The following SERGEF variants were observed in gnomAD, a reference collection of about 807,000 sequenced individuals.
SERGEF encodes secretion regulating guanine nucleotide exchange factor, also known as secretion-regulating guanine nucleotide exchange factor.
SERGEF carries 51 observed loss-of-function variants against 50.0 expected under a neutral mutation model. That is an observed-to-expected ratio of 1.02 (90% CI 0.81 to 1.29). The LOEUF (loss-of-function observed/expected upper bound fraction) is 1.29, where lower values mean the gene tolerates loss of function less well. SERGEF is among the 50% of genes most tolerant of loss of function. The pLI is 0.00. For synonymous variants in SERGEF, 205 were observed against 212.4 expected, an observed-to-expected ratio of 0.97 and a Z score of 0.30; for missense variants, 521 against 557.0, an observed-to-expected ratio of 0.94 and a Z score of 0.65.
At chr11:17,849,355 G>T (rs1457166487) in intron 10 of SERGEF, among the ~76,000 whole-genome samples, 1 of 152,152 alleles carries the variant, frequency 6.6e-6, no homozygotes, top group African/African-American at 2.4e-5. Flanking sequence ...CTATCAACAA[G>T]AGTCATACGT....
Position 17,896,454 on chromosome 11 carries a change from T to C in SERGEF, c.1012-18210A>G, listed in dbSNP as rs117281092. On this transcript the variant is annotated intron_variant, in intron 9 of 10. Coordinates refer to ENST00000265965, the MANE Select transcript of SERGEF (RefSeq NM_012139.4). Reference sequence around the variant, plus strand: ...CAAATTATGGTATAATTCCAGAGAGTACACTTAATGCTATGCTACAACGTA... The same window carrying C: ...CAAATTATGGTATAATTCCAGAGAGCACACTTAATGCTATGCTACAACGTA... Among the ~76,000 whole-genome samples the C allele has an allele frequency of 1.9e-4, 29 of 151,058 alleles. No homozygotes were observed. In the East Asian group the frequency reaches 4.1e-3, roughly 21 times the overall value.
At chr11:17,923,244 A>G (rs1329321924) in intron 9 of SERGEF, among the ~76,000 whole-genome samples, 1 of 152,120 alleles carries the variant, frequency 6.6e-6, no homozygotes, top group Non-Finnish European at 1.5e-5. Context: ...AGCCTACTGG[A>G]TCCTTAGTCC....
chr11:17,918,792 C>T, intron 9 of SERGEF: 1 of 429,236 alleles, frequency 2.3e-6, no homozygotes, highest in South Asian at 1.7e-5. Context: ...GGAAAAAAAG[C>T]AGAATATGGA....
chr11:17,796,312 G>T (rs536544141), intron 10 of SERGEF, among the ~76,000 whole-genome samples: 1 of 152,310 alleles, frequency 6.6e-6, no homozygotes, highest in Admixed American at 6.5e-5. Context: ...GAGGACACAG[G>T]CACTGTCAGT....
chr11:18,007,919 A>T, intron 2 of SERGEF, 22 bp downstream of exon 2: 1 of 1,600,840 alleles, frequency 6.2e-7, no homozygotes, highest in Non-Finnish European at 8.5e-7. Context: ...ATGAGTGACT[A>T]TCTACTTTTG....
In SERGEF at chr11:18,007,518, G is replaced by A. The variant is rs577673500; in HGVS notation, c.196+423C>T. On this transcript the variant is annotated intron_variant, in intron 2 of 10. Transcript: ENST00000265965. ...CCCCCTTTACAACATTGTAGCACTT[G>A]TACTACTTGTTAAGTGCTATCCTAG... Among the ~76,000 whole-genome samples the A allele has an allele frequency of 5.3e-5, 8 of 152,262 alleles. No individual in the cohort carries two copies. In the East Asian group the frequency reaches 9.6e-4, roughly 18 times the overall value.
At chr11:17,864,118 G>T (rs1382729434) in intron 10 of SERGEF, among the ~76,000 whole-genome samples, 1 of 152,156 alleles carries the variant, frequency 6.6e-6, no homozygotes, top group African/African-American at 2.4e-5. Context: ...TTTCCTCTTT[G>T]AGTTCACATT....
intron 10 of SERGEF, among the ~76,000 whole-genome samples, chr11:17,804,786 C>A (rs1849728298): frequency 2.6e-5 from 4 of 152,180 alleles, no homozygotes; most frequent in Admixed American, 2.6e-4. Context: ...GTCTATAGAA[C>A]TAAGTTAAGT....
At chr11:17,857,054 G>A (rs946620322) in intron 10 of SERGEF, among the ~76,000 whole-genome samples, 1 of 152,168 alleles carries the variant, frequency 6.6e-6, no homozygotes, top group African/African-American at 2.4e-5. Context: ...CAGTATGGGT[G>A]AGTAGCAGAA....
rs565281805 is a variant in SERGEF at position 17,888,014 on chromosome 11, G to A, written c.1012-9770C>T. Among the ~76,000 whole-genome samples, 6 of 152,270 alleles carry A rather than the reference G, an allele frequency of 3.9e-5. No individual in the cohort carries two copies. The highest frequency in any genetic ancestry group is 9.6e-5 in the African/African-American group (4 of 41,568). ...GAGCTCCGCCTCCTGTCAGATCAGC[G>A]GTGGCATTAGATTCTCATATGAGCA... On this transcript the variant is annotated intron_variant, in intron 9 of 10. Coordinates refer to ENST00000265965, the MANE Select transcript of SERGEF (RefSeq NM_012139.4). This position sits in a 1 kb window ranked among gnomAD's most constrained non-coding sequence, Gnocchi z 4.1.
At chr11:17,814,571 A>G (rs1454847530) in intron 10 of SERGEF, among the ~76,000 whole-genome samples, 1 of 152,176 alleles carries the variant, frequency 6.6e-6, no homozygotes, top group Non-Finnish European at 1.5e-5. Context: ...TACACATGGG[A>G]TGGGATGCTT....
intron 9 of SERGEF, among the ~76,000 whole-genome samples, chr11:17,918,235 C>T (rs1005372356): frequency 1.3e-4 from 20 of 152,272 alleles, no homozygotes; most frequent in African/African-American, 4.1e-4. Context: ...CAGAGACAGT[C>T]CCCAACTTAT....
chr11:17,998,634 C>G (rs1316949027), intron 5 of SERGEF, among the ~76,000 whole-genome samples: 1 of 150,114 alleles, frequency 6.7e-6, no homozygotes, highest in African/African-American at 2.5e-5. Context: ...ACCCTAATGC[C>G]CACTGTAACT....
chr11:17,951,626 C>A (rs1182691391), intron 9 of SERGEF, among the ~76,000 whole-genome samples: 1 of 152,178 alleles, frequency 6.6e-6, no homozygotes, highest in African/African-American at 2.4e-5. Flanking sequence ...GACTACCATC[C>A]AGTGATACCC....
At chr11:17,961,255 C>T (rs560863863) in intron 8 of SERGEF, among the ~76,000 whole-genome samples, 1 of 152,296 alleles carries the variant, frequency 6.6e-6, no homozygotes, top group African/African-American at 2.4e-5. Flanking sequence ...ACTGCATAAT[C>T]ACTCAACACT....
rs189822645 is a variant in SERGEF at position 17,896,786 on chromosome 11, G to A, written c.1012-18542C>T. On this transcript the variant is annotated intron_variant, in intron 9 of 10. Coordinates refer to ENST00000265965, the MANE Select transcript of SERGEF (RefSeq NM_012139.4). ...AAGGGAAGGGTAAGGGAAGGGTAAG[G>A]GAAGGGTAAGGGAAGGGTAAGGGAA... is the stretch of plus-strand genomic sequence containing the variant. Among the ~76,000 whole-genome samples the A allele has an allele frequency of 4.6e-3, 607 of 130,564 alleles. 27 individuals carry two copies. Among genetic ancestry groups the A allele is most frequent in the Non-Finnish European group, 8.9e-3 (511 of 57,736 alleles). The allele number at this position is 130,564 out of a possible 152,430, so 85.7% of individuals were successfully genotyped here. A position where few individuals can be genotyped will look rare whatever the true frequency, so the allele number is the denominator to read the frequency against.
intron 10 of SERGEF, among the ~76,000 whole-genome samples, chr11:17,861,899 C>G (rs1166697282): frequency 2.0e-5 from 3 of 152,254 alleles, no homozygotes; most frequent in Non-Finnish European, 4.4e-5. Flanking sequence ...TACAAAGCCA[C>G]AAGATTGAAA....
intron 10 of SERGEF, among the ~76,000 whole-genome samples, chr11:17,833,688 C>A (rs966479032): frequency 7.2e-5 from 11 of 152,202 alleles, no homozygotes; most frequent in African/African-American, 2.7e-4. Flanking sequence ...TGGGAACCTA[C>A]CTCTTGCATC....
chr11:17,912,858 T>C (rs974290455), intron 9 of SERGEF, among the ~76,000 whole-genome samples: 2 of 152,236 alleles, frequency 1.3e-5, no homozygotes, highest in African/African-American at 4.8e-5. Context: ...CACACAACTG[T>C]AGAATAAGCT....
Sources: allele counts gnomAD v4.1 joint callset (sites outside exome capture counted in the v4.1 genomes callset), GRCh38; gene constraint gnomAD v4.1.1; non-coding constraint Gnocchi (gnomAD v3.1); transcripts MANE v1.5; gene names NCBI Gene and HGNC (gene_info 2026-07-23, HGNC 2026-07-21).